The following ALK variants were observed in gnomAD, a reference collection of about 807,000 sequenced individuals.
ALK encodes ALK tyrosine kinase receptor.
ALK carries 74 observed loss-of-function variants against 163.1 expected under a neutral mutation model. The observed-to-expected ratio is 0.45, with a 90% CI of 0.38 to 0.55. The LOEUF (loss-of-function observed/expected upper bound fraction) is 0.55, where lower values mean the gene tolerates loss of function less well. Ranked by LOEUF, ALK falls within the 20% of genes least tolerant of loss-of-function variation. The pLI, the probability that ALK is intolerant of heterozygous loss-of-function variation, is 0.00. For missense variants in ALK, 2,063 were observed against 2,105.3 expected (o/e 0.98, Z 0.39); for synonymous variants, 960 against 843.2 (o/e 1.14, Z -2.40).
chr2:29,302,928 A>G (rs1174164098), intron 8 of ALK, among the ~76,000 whole-genome samples: 1 of 152,242 alleles, frequency 6.6e-6, no homozygotes, highest in Non-Finnish European at 1.5e-5. Flanking sequence ...TCCTAGAAGA[A>G]AACCTAGGAA....
chr2:29,268,637 G>A (rs974387834), intron 11 of ALK, among the ~76,000 whole-genome samples: 4 of 152,194 alleles, frequency 2.6e-5, no homozygotes, highest in African/African-American at 4.8e-5. Flanking sequence ...TGCATTGGGC[G>A]CTGAGTTGAA....
chr2:29,195,354 G>A (rs753150443), intron 28 of ALK, among the ~76,000 whole-genome samples: 1 of 152,164 alleles, frequency 6.6e-6, no homozygotes, highest in Admixed American at 6.5e-5. Context: ...GTTCACTCAC[G>A]TGAGCTGAAA....
chr2:29,846,544 G>T (rs1372107384), intron 1 of ALK, among the ~76,000 whole-genome samples: 1 of 152,206 alleles, frequency 6.6e-6, no homozygotes, highest in Admixed American at 6.5e-5. Context: ...TGCTCTCAAT[G>T]AGTTCTTGCT....
intron 3 of ALK, among the ~76,000 whole-genome samples, chr2:29,629,050 A>G (rs1214698982): frequency 6.6e-6 from 1 of 152,134 alleles, no homozygotes; most frequent in Non-Finnish European, 1.5e-5. Flanking sequence ...TTTCTATGAT[A>G]AGTTGCAAGT....
At chr2:29,391,305 T>TTGG (rs1553310350) in intron 4 of ALK, among the ~76,000 whole-genome samples, 13 of 126,710 alleles carry the variant, frequency 1.0e-4, no homozygotes, top group South Asian at 5.4e-4. Context: ...CTCTTTTTTT[T>TTGG]GGGGGGGGGG....
At chr2:29,853,973 G>A (rs1168869111) in intron 1 of ALK, among the ~76,000 whole-genome samples, 2 of 150,934 alleles carry the variant, frequency 1.3e-5, no homozygotes, top group East Asian at 2.0e-4. Context: ...GCAGTGGCAC[G>A]ATCTGGGCTC....
intron 2 of ALK, among the ~76,000 whole-genome samples, chr2:29,699,943 C>T (rs1678683179): frequency 2.0e-5 from 3 of 152,216 alleles, no homozygotes; most frequent in Admixed American, 2.0e-4. Context: ...GGGCTTGGTC[C>T]TGCACAGAGC....
chr2:29,581,132 A>G (rs372505891), intron 3 of ALK, among the ~76,000 whole-genome samples: 107 of 152,300 alleles, frequency 7.0e-4, no homozygotes, highest in Non-Finnish European at 1.3e-3. Flanking sequence ...GCTCATGCCT[A>G]TAATCCCAGC....
chr2:29,420,567 G>GA (rs1669992730), intron 4 of ALK, among the ~76,000 whole-genome samples: 1 of 151,418 alleles, frequency 6.6e-6, no homozygotes, highest in Non-Finnish European at 1.5e-5. Flanking sequence ...TCAAAGGAGG[G>GA]AAAAATCCTT....
At chr2:29,848,784 C>G (rs546945391) in intron 1 of ALK, among the ~76,000 whole-genome samples, 1 of 152,156 alleles carries the variant, frequency 6.6e-6, no homozygotes, top group African/African-American at 2.4e-5. Flanking sequence ...TTGGCAGAAG[C>G]TGACTTAGGA....
At chr2:29,255,934 G>T (rs1402712021) in intron 11 of ALK, among the ~76,000 whole-genome samples, 1 of 152,106 alleles carries the variant, frequency 6.6e-6, no homozygotes, top group African/African-American at 2.4e-5. Context: ...CCACATCCTT[G>T]CCCAAGGGGT....
chr2:29,247,406 C>T (rs1229376319), intron 12 of ALK, among the ~76,000 whole-genome samples: 1 of 152,250 alleles, frequency 6.6e-6, no homozygotes, highest in Non-Finnish European at 1.5e-5. Context: ...CCTGGACACA[C>T]AGACTGCATC....
chr2:29,385,777 T>C (rs1378562763), intron 4 of ALK, among the ~76,000 whole-genome samples: 1 of 152,218 alleles, frequency 6.6e-6, no homozygotes, highest in Non-Finnish European at 1.5e-5. Flanking sequence ...CACTTGATGG[T>C]ATGTCACAAG....
intron 1 of ALK, among the ~76,000 whole-genome samples, chr2:29,763,439 G>C (rs940335049): frequency 6.6e-6 from 1 of 152,160 alleles, no homozygotes; most frequent in Non-Finnish European, 1.5e-5. Context: ...TTGGCATTTA[G>C]AACTGTAAGA....
At chr2:29,380,187 C>T (rs1211427704) in intron 5 of ALK, among the ~76,000 whole-genome samples, 1 of 151,446 alleles carries the variant, frequency 6.6e-6, no homozygotes, top group African/African-American at 2.4e-5. Context: ...CTTACTGTAA[C>T]CTCTGCCTCC....
chr2:29,468,951 T>C (rs1671281213), intron 4 of ALK, among the ~76,000 whole-genome samples: 1 of 151,972 alleles, frequency 6.6e-6, no homozygotes, highest in Non-Finnish European at 1.5e-5. Flanking sequence ...TTGCAATTTT[T>C]TGAACTTTTG....
chr2:29,391,997 T>C (rs1457174179), intron 4 of ALK, among the ~76,000 whole-genome samples: 1 of 152,044 alleles, frequency 6.6e-6, no homozygotes. Context: ...GGCATGTAGT[T>C]TGCACTCAAT....
chr2:29,445,968 G>C (rs867576430), intron 4 of ALK, among the ~76,000 whole-genome samples: 7 of 146,798 alleles, frequency 4.8e-5, no homozygotes, highest in Non-Finnish European at 7.6e-5. Flanking sequence ...GCGTAGTGGC[G>C]GGCGCCTGTA....
chr2:29,747,603 C>T (rs931793780), intron 1 of ALK, among the ~76,000 whole-genome samples: 2 of 152,218 alleles, frequency 1.3e-5, no homozygotes, highest in East Asian at 1.9e-4. Flanking sequence ...ATGTCCAGCA[C>T]AGGACCTAGC....
Sources: gnomAD v4.1 joint callset for allele counts (sites outside exome capture counted in the v4.1 genomes callset) on GRCh38, gnomAD v4.1.1 for gene constraint, MANE v1.5 for transcripts, NCBI Gene and HGNC (gene_info 2026-07-23, HGNC 2026-07-21) for gene names.